CHST11: variants seen among roughly 807,000 people sequenced by gnomAD.
The protein encoded by CHST11 is carbohydrate sulfotransferase 11.
A neutral mutation model predicts 30.4 loss-of-function variants in CHST11; 9 were observed. The ratio of observed to expected loss-of-function variants is 0.30; its 90% confidence interval spans 0.18 to 0.52. CHST11 has a LOEUF of 0.52. CHST11 is among the 20% of genes least tolerant of loss of function. The pLI, the probability that CHST11 is intolerant of heterozygous loss-of-function variation, is 0.97. For synonymous variants in CHST11, 152 were observed against 187.8 expected (o/e 0.81, Z 1.56); for missense variants, 348 against 460.6 (o/e 0.76, Z 2.24).
chr12:104,630,936 A>G (rs2039264126), intron 2 of CHST11, among the ~76,000 whole-genome samples: 1 of 152,196 alleles, frequency 6.6e-6, no homozygotes, highest in Admixed American at 6.5e-5. Context: ...CAGTTGGTTC[A>G]GTTTAAGAAT....
At chr12:104,742,576 C>T (rs1288781560) in intron 2 of CHST11, among the ~76,000 whole-genome samples, 4 of 152,212 alleles carry the variant, frequency 2.6e-5, no homozygotes, top group East Asian at 1.9e-4. Context: ...CACCATTCAT[C>T]GGAAAGCAGG....
intron 1 of CHST11, among the ~76,000 whole-genome samples, chr12:104,526,337 A>G (rs2135991502): frequency 6.6e-6 from 1 of 152,296 alleles, no homozygotes; most frequent in Non-Finnish European, 1.5e-5. Flanking sequence ...AAACTTAAGG[A>G]GCCCAGTTGG....
chr12:104,731,678 G>A (rs1397064994), intron 2 of CHST11, among the ~76,000 whole-genome samples: 1 of 152,234 alleles, frequency 6.6e-6, no homozygotes, highest in East Asian at 1.9e-4. Context: ...TTGGAGCTGA[G>A]CATGTCCACC....
At chr12:104,539,915 C>T (rs962100904) in intron 1 of CHST11, among the ~76,000 whole-genome samples, 8 of 152,128 alleles carry the variant, frequency 5.3e-5, no homozygotes, top group Admixed American at 3.3e-4. Context: ...CTCAAGCAGT[C>T]CTCCCACCTC....
intron 2 of CHST11, among the ~76,000 whole-genome samples, chr12:104,724,730 G>A (rs1566054934): frequency 6.6e-6 from 1 of 152,114 alleles, no homozygotes. Context: ...TGCCGCAGTT[G>A]CCTTACAGAG....
At chr12:104,545,866 C>T (rs999373987) in intron 1 of CHST11, among the ~76,000 whole-genome samples, 2 of 151,968 alleles carry the variant, frequency 1.3e-5, no homozygotes, top group African/African-American at 4.8e-5. Context: ...CACTTTGTCA[C>T]CCAGGCTAGA....
At chr12:104,530,489 A>C (rs1795859) in intron 1 of CHST11, among the ~76,000 whole-genome samples, 1 of 151,982 alleles carries the variant, frequency 6.6e-6, no homozygotes, top group Non-Finnish European at 1.5e-5. Context: ...CTGTGTGATG[A>C]AAATGGATCT....
intron 2 of CHST11, among the ~76,000 whole-genome samples, chr12:104,636,554 T>G (rs1340966893): frequency 2.0e-5 from 3 of 152,216 alleles, no homozygotes; most frequent in Non-Finnish European, 4.4e-5. Context: ...GAACACCCCT[T>G]TTATTTCCCC....
chr12:104,615,819 T>G (rs1392677413), intron 2 of CHST11, among the ~76,000 whole-genome samples: 3 of 152,056 alleles, frequency 2.0e-5, no homozygotes, highest in African/African-American at 7.2e-5. Context: ...TCTCAGCTAC[T>G]CAAAAGGCTG....
chr12:104,740,994 C>T (rs1327760468), intron 2 of CHST11, among the ~76,000 whole-genome samples: 1 of 152,238 alleles, frequency 6.6e-6, no homozygotes, highest in Non-Finnish European at 1.5e-5. Flanking sequence ...ACAAAATCTT[C>T]TTAGTACTCT....
chr12:104,722,821 G>A (rs1051601759), intron 2 of CHST11, among the ~76,000 whole-genome samples: 2 of 152,118 alleles, frequency 1.3e-5, no homozygotes, highest in Non-Finnish European at 2.9e-5. Context: ...TCATCAAAGT[G>A]AGCCAAGACC....
chr12:104,532,720 A>T (rs937539780), intron 1 of CHST11, among the ~76,000 whole-genome samples: 1 of 152,150 alleles, frequency 6.6e-6, no homozygotes, highest in South Asian at 2.1e-4. Context: ...TGTGCCAGCC[A>T]TTGATGAGAC....
chr12:104,725,105 C>T (rs901544675), intron 2 of CHST11, among the ~76,000 whole-genome samples: 7 of 152,160 alleles, frequency 4.6e-5, no homozygotes, highest in African/African-American at 1.7e-4. Context: ...AGCCACTTAT[C>T]TTTGAGCACG....
chr12:104,552,988 T>C (rs1266876074), intron 1 of CHST11: 1 of 152,212 alleles, frequency 6.6e-6, no homozygotes, highest in Admixed American at 6.5e-5. Context: ...TAACTAGTTA[T>C]AACTGTGGTG....
chr12:104,654,346 A>T (rs2039522256), intron 2 of CHST11, among the ~76,000 whole-genome samples: 1 of 152,120 alleles, frequency 6.6e-6, no homozygotes, highest in Non-Finnish European at 1.5e-5. Context: ...GTTGTATAAG[A>T]AGGTGTAGGG....
chr12:104,598,664 T>A (rs952770782), intron 1 of CHST11, among the ~76,000 whole-genome samples: 2 of 152,240 alleles, frequency 1.3e-5, no homozygotes, highest in East Asian at 1.9e-4. Context: ...AGGGCACACG[T>A]TGAGAAACTC....
intron 1 of CHST11, among the ~76,000 whole-genome samples, chr12:104,504,205 T>C (rs949916099): frequency 1.3e-5 from 2 of 152,224 alleles, no homozygotes; most frequent in Non-Finnish European, 2.9e-5. Flanking sequence ...CTGGGCCCAC[T>C]TCAGTGCCTC....
rs77210159 is a variant in CHST11 at position 104,654,451 on chromosome 12, G to A, written c.204+52460G>A. 1.1e-3 allele frequency among the ~76,000 whole-genome samples: 164 copies of A among 152,276 alleles called. 2 individuals are homozygous for A. The East Asian group carries it at 0.02, about 18-fold the overall frequency. Reference sequence around the variant, plus strand: ...GACACAGTAGGAAGTGACCAAGGACGTGGAAACATGGGGGAGGGCTGTGCA... The same window carrying A: ...GACACAGTAGGAAGTGACCAAGGACATGGAAACATGGGGGAGGGCTGTGCA... On this transcript the variant is annotated intron_variant, in intron 2 of 2. Coordinates refer to ENST00000303694, the MANE Select transcript of CHST11 (RefSeq NM_018413.6).
At chr12:104,475,809 G>A (rs4964807) in intron 1 of CHST11, among the ~76,000 whole-genome samples, 109,037 of 142,128 alleles carry the variant, frequency 0.77, 42,426 homozygotes, top group African/African-American at 0.9. Flanking sequence ...GTATTTATAT[G>A]TATATATCCA....
Sources: gnomAD v4.1 joint callset for allele counts (sites outside exome capture counted in the v4.1 genomes callset) on GRCh38, gnomAD v4.1.1 for gene constraint, MANE v1.5 for transcripts, NCBI Gene and HGNC (gene_info 2026-07-23, HGNC 2026-07-21) for gene names.